CWC27: variants seen among roughly 807,000 people sequenced by gnomAD.
CWC27 encodes spliceosome-associated protein CWC27 homolog.
A neutral mutation model predicts 63.6 loss-of-function variants in CWC27; 47 were observed. The observed-to-expected ratio is 0.74, with a 90% CI of 0.58 to 0.94. CWC27 has a LOEUF of 0.94. Among genes scored for constraint, CWC27 ranks in the 40% least tolerant of loss-of-function variants. The pLI is 0.00. For missense variants in CWC27, 495 were observed against 554.3 expected, an observed-to-expected ratio of 0.89 and a Z score of 1.07; for synonymous variants, 175 against 179.8, an observed-to-expected ratio of 0.97 and a Z score of 0.22.
intron 13 of CWC27, among the ~76,000 whole-genome samples, chr5:65,000,901 T>C (rs1240435742): frequency 6.6e-6 from 1 of 152,070 alleles, no homozygotes; most frequent in Non-Finnish European, 1.5e-5. Flanking sequence ...ATTGACTCTG[T>C]AGATTGTTTT....
chr5:64,921,384 G>C (rs1747994208), intron 11 of CWC27, among the ~76,000 whole-genome samples: 1 of 152,060 alleles, frequency 6.6e-6, no homozygotes, highest in Non-Finnish European at 1.5e-5. Context: ...GCTCCCATGT[G>C]CAGATGAGAA....
At chr5:64,985,614 A>G (rs1749410834) in intron 13 of CWC27, among the ~76,000 whole-genome samples, 1 of 152,174 alleles carries the variant, frequency 6.6e-6, no homozygotes, top group South Asian at 2.1e-4. Context: ...TTGGCCTGGT[A>G]CCTGCAACAT....
chr5:64,837,489 G>A (rs562393720), intron 10 of CWC27, among the ~76,000 whole-genome samples: 1 of 151,636 alleles, frequency 6.6e-6, no homozygotes, highest in African/African-American at 2.4e-5. Context: ...CTCATGAGAA[G>A]ATTCAAAACT....
chr5:64,982,677 G>T (rs7729325), intron 13 of CWC27, among the ~76,000 whole-genome samples: 191 of 152,190 alleles, frequency 1.3e-3, no homozygotes, highest in African/African-American at 4.5e-3. Context: ...CAGCTCTAAG[G>T]GTGGAGACTG....
rs1561186410 is a variant in CWC27, at chr5:65,004,899, T to TAC, written c.1257-13259_1257-13258insCA. ...ATATATATATATATATATATATATA[T>TAC]ATATATACATACACACACACACACA... On this transcript the variant is annotated intron_variant, in intron 13 of 13. Transcript: ENST00000381070. Among the ~76,000 whole-genome samples the TAC allele has an allele frequency of 1.1e-4, 7 of 64,694 alleles. 1 individual carries two copies. Among genetic ancestry groups the TAC allele is most frequent in the African/African-American group, 2.2e-4 (4 of 18,180 alleles). 42.4% of individuals were successfully genotyped at this position (64,694 alleles called of 152,430 possible). A position where few individuals can be genotyped will look rare whatever the true frequency, so the allele number is the denominator to read the frequency against.
intron 11 of CWC27, among the ~76,000 whole-genome samples, chr5:64,899,116 A>G (rs1747445876): frequency 6.6e-6 from 1 of 152,204 alleles, no homozygotes; most frequent in Non-Finnish European, 1.5e-5. Context: ...ACTAAAAGGT[A>G]AAAGGGATGA....
intron 11 of CWC27, among the ~76,000 whole-genome samples, chr5:64,924,872 A>G (rs1484600529): frequency 2.0e-5 from 3 of 152,146 alleles, no homozygotes; most frequent in African/African-American, 7.2e-5. Context: ...CATAGTGCTA[A>G]TGAGTGGTAG....
At chr5:65,004,609 T>A (rs1749794583) in intron 13 of CWC27, among the ~76,000 whole-genome samples, 2 of 151,160 alleles carry the variant, frequency 1.3e-5, no homozygotes, top group Admixed American at 1.3e-4. Context: ...TTCTGATTTC[T>A]TTGTATTGTT....
intron 11 of CWC27, among the ~76,000 whole-genome samples, chr5:64,949,762 C>A (rs528607266): frequency 1.3e-5 from 2 of 152,058 alleles, no homozygotes; most frequent in African/African-American, 4.8e-5. Context: ...TCCTGGAATG[C>A]CTTTTCTATC....
intron 2 of CWC27, among the ~76,000 whole-genome samples, chr5:64,779,175 A>C (rs919961332): frequency 2.0e-5 from 3 of 152,182 alleles, no homozygotes; most frequent in African/African-American, 7.2e-5. Context: ...AAAATGATTT[A>C]AATAATAAAG....
Position 64,980,956 on chromosome 5 carries a change from G to C in CWC27, c.1256+3718G>C, listed in dbSNP as rs148888248. 1.9e-3 allele frequency among the ~76,000 whole-genome samples: 283 copies of C among 152,226 alleles called. 10 individuals carry two copies. In the East Asian group the frequency reaches 0.049, roughly 26 times the overall value. On this transcript the variant is annotated intron_variant, in intron 13 of 13. Coordinates refer to ENST00000381070, the MANE Select transcript of CWC27 (RefSeq NM_005869.4). The stretch of plus-strand genomic sequence containing the variant: ...AAAGTACAAAAATTTGCCGAGCATG[G>C]TGGCGGGTGCCTGTGGTCCCAGCTA...
chr5:64,826,085 A>ATCTG (rs1554070983), intron 10 of CWC27, among the ~76,000 whole-genome samples: 5 of 70,526 alleles, frequency 7.1e-5, no homozygotes, highest in African/African-American at 1.8e-4. Context: ...AAATCTATCT[A>ATCTG]TCTATCTATC....
chr5:64,846,380 C>T (rs1745979356), intron 10 of CWC27, among the ~76,000 whole-genome samples: 1 of 152,012 alleles, frequency 6.6e-6, no homozygotes, highest in African/African-American at 2.4e-5. Flanking sequence ...TAAATTCTGC[C>T]ATTAAAAACA....
At chr5:64,773,804 G>A (rs920829992) in intron 1 of CWC27, 1 of 152,146 alleles carries the variant, frequency 6.6e-6, no homozygotes, top group African/African-American at 2.4e-5. Context: ...GCAGGGAGGG[G>A]TTCTAGTTGC....
chr5:64,954,411 C>T (rs1391903459), intron 11 of CWC27, among the ~76,000 whole-genome samples: 1 of 152,018 alleles, frequency 6.6e-6, no homozygotes, highest in African/African-American at 2.4e-5. Flanking sequence ...GACTCATCCT[C>T]CCAAGTAGCT....
intron 11 of CWC27, among the ~76,000 whole-genome samples, chr5:64,970,628 A>G (rs1749107519): frequency 6.6e-6 from 1 of 152,146 alleles, no homozygotes; most frequent in African/African-American, 2.4e-5. Context: ...TCTGTATTTA[A>G]TGGTTCATTT....
intron 10 of CWC27, among the ~76,000 whole-genome samples, chr5:64,824,480 T>TAA (rs35667805): frequency 0.33 from 50,791 of 151,814 alleles, 8,793 homozygotes; most frequent in East Asian, 0.51. Context: ...AGATGGTGAA[T>TAA]GATTAGTAAG....
intron 10 of CWC27, among the ~76,000 whole-genome samples, chr5:64,859,384 G>GTT (rs990780831): frequency 1.3e-5 from 2 of 152,130 alleles, no homozygotes; most frequent in African/African-American, 4.8e-5. Flanking sequence ...GTCAAATCTT[G>GTT]TTGAACTATA....
At chr5:64,877,326 C>A (rs1746817766) in intron 10 of CWC27, among the ~76,000 whole-genome samples, 1 of 151,906 alleles carries the variant, frequency 6.6e-6, no homozygotes. Context: ...AGACAAATAT[C>A]GTATATTCTC....
Sources: gnomAD v4.1 joint callset for allele counts (sites outside exome capture counted in the v4.1 genomes callset) on GRCh38, gnomAD v4.1.1 for gene constraint, MANE v1.5 for transcripts, NCBI Gene and HGNC (gene_info 2026-07-23, HGNC 2026-07-21) for gene names.